Variants in UBE4B observed in about 807,000 individuals in gnomAD.
UBE4B encodes the protein ubiquitin conjugation factor E4 B.
A neutral mutation model predicts 148.1 loss-of-function variants in UBE4B; 27 were observed. That is an observed-to-expected ratio of 0.18 (90% confidence interval 0.13 to 0.25). UBE4B has a LOEUF of 0.25. UBE4B is among the 10% of genes least tolerant of loss of function. The pLI, the probability that UBE4B is intolerant of heterozygous loss-of-function variation, is 1.00. For missense variants in UBE4B, 1,170 were observed against 1,662.4 expected, an observed-to-expected ratio of 0.70 and a Z score of 5.15; for synonymous variants, 596 against 619.3, an observed-to-expected ratio of 0.96 and a Z score of 0.56.
chr1:10,147,100 C>T lies in UBE4B; in HGVS notation c.2591+10C>T, dbSNP rs759992432. 42 of 1,614,008 alleles carry T rather than the reference C, an allele frequency of 2.6e-5. No individual in the cohort carries two copies. Among genetic ancestry groups the T allele is most frequent in the Non-Finnish European group, 3.5e-5 (41 of 1,179,984 alleles). ...ACCCCGCATATCCCGAGTGAGTGTGCTTCTTCCTGTTTCCCTTGTCCCTCC... is the reference window on the plus strand; with the variant it reads ...ACCCCGCATATCCCGAGTGAGTGTGTTTCTTCCTGTTTCCCTTGTCCCTCC... On this transcript the variant is annotated intron_variant, in intron 19 of 27. Transcript: ENST00000343090.
At chr1:10,158,111 G>C (rs924205148) in intron 21 of UBE4B, among the ~76,000 whole-genome samples, 1 of 152,160 alleles carries the variant, frequency 6.6e-6, no homozygotes, top group Non-Finnish European at 1.5e-5. Context: ...TTGTCCTAAT[G>C]ATGGGAGTTT....
intron 1 of UBE4B, among the ~76,000 whole-genome samples, chr1:10,069,901 G>C (rs1160780320): frequency 2.0e-5 from 3 of 152,132 alleles, no homozygotes; most frequent in African/African-American, 7.2e-5. Flanking sequence ...ATAGGCTCCA[G>C]ATAAGTAAAG....
chr1:10,146,261 G>A (rs959051360), intron 18 of UBE4B, among the ~76,000 whole-genome samples: 2 of 152,140 alleles, frequency 1.3e-5, no homozygotes, highest in Non-Finnish European at 2.9e-5. Flanking sequence ...AGACCAGCCT[G>A]GCCAACATGG....
At chr1:10,178,492 G>A (rs1047861839) in intron 25 of UBE4B, 152 bp from the exon 26 acceptor site, 48 of 649,606 alleles carry the variant, frequency 7.4e-5, no homozygotes, top group Admixed American at 4.3e-4. Context: ...GCATAAAGAC[G>A]GATATATAAA....
rs1043433583 is a variant in UBE4B, at chr1:10,161,347, A to G, written c.3198+61A>G. 229 of 1,578,944 alleles carry G rather than the reference A, an allele frequency of 1.5e-4. No individual in the cohort carries two copies. Among genetic ancestry groups the G allele is most frequent in the Non-Finnish European group, 1.7e-4 (199 of 1,159,576 alleles). On this transcript the variant is annotated intron_variant, in intron 23 of 27. Coordinates refer to ENST00000343090, the MANE Select transcript of UBE4B (RefSeq NM_001105562.3). The surrounding 1 kb of genome is among the most constrained non-coding windows in gnomAD (Gnocchi z 4.1). The stretch of plus-strand genomic sequence containing the variant: ...AGGCCATCTGCCTCCACACACGGGC[A>G]GAGCTGCTTTGGGGCTGCATTTGTG...
rs1644933205 is a variant in UBE4B at position 10,096,679 on chromosome 1, G to A, written c.347+1083G>A. On this transcript the variant is annotated intron_variant, in intron 3 of 27. Coordinates refer to ENST00000343090, the MANE Select transcript of UBE4B (RefSeq NM_001105562.3). ...GGAGGTTGCAGTGAACCAAGATTGT[G>A]CCACTGCACTCCAGCCTGGCCGATA... Among the ~76,000 whole-genome samples the A allele has an allele frequency of 2.0e-5, 3 of 151,412 alleles. No homozygotes were observed. In the South Asian group the frequency reaches 6.3e-4, roughly 32 times the overall value.
chr1:10,049,290 C>A (rs1353853332), intron 1 of UBE4B, among the ~76,000 whole-genome samples: 1 of 152,130 alleles, frequency 6.6e-6, no homozygotes, highest in Admixed American at 6.5e-5. Flanking sequence ...CCTCAGGCTG[C>A]AGCTGGGGAC....
Position 10,036,351 on chromosome 1 carries a change from A to T in UBE4B, c.24+2657A>T, listed in dbSNP as rs1643531417. Among the ~76,000 whole-genome samples the T allele has an allele frequency of 2.6e-5, 4 of 152,158 alleles. No individual in the cohort carries two copies. The South Asian group carries it at 6.2e-4, about 24-fold the overall frequency. ...GTCAACAGAATATTAAAATAAATGA[A>T]AAAAATTAAATTCACTAATACAGGA... On this transcript the variant is annotated intron_variant, in intron 1 of 27. Coordinates refer to ENST00000343090, the MANE Select transcript of UBE4B (RefSeq NM_001105562.3).
chr1:10,108,021 A>C (rs114515417), intron 7 of UBE4B, among the ~76,000 whole-genome samples: 1 of 152,194 alleles, frequency 6.6e-6, no homozygotes, highest in Non-Finnish European at 1.5e-5. Context: ...TCATTTATCT[A>C]TTGCGAGAAT....
chr1:10,042,574 G>T (rs1321393608), intron 1 of UBE4B, among the ~76,000 whole-genome samples: 1 of 152,204 alleles, frequency 6.6e-6, no homozygotes, highest in Non-Finnish European at 1.5e-5. Flanking sequence ...TTGAACCCGG[G>T]AGGCAGGGGT....
At position 10,072,353 on chromosome 1, in the gene UBE4B, T is replaced by C; in HGVS notation, c.211+139T>C. On this transcript the variant is annotated intron_variant, in intron 2 of 27. Coordinates refer to ENST00000343090, the MANE Select transcript of UBE4B (RefSeq NM_001105562.3). ...AAAATCCTCCAAGCAGTAGTTTAAA[T>C]ATCATTGCAATGTGTTGTGTTATCG... is the stretch of plus-strand genomic sequence containing the variant. 2.9e-6 allele frequency: 3 copies of C among 1,023,280 alleles called. No homozygotes were observed. In the Admixed American group the frequency reaches 8.9e-5, roughly 30 times the overall value. 63.4% of individuals were successfully genotyped at this position (1,023,280 alleles called of 1,614,324 possible).
At chr1:10,147,183 C>A in intron 19 of UBE4B, 93 bp downstream of exon 19, 1 of 1,566,086 alleles carries the variant, frequency 6.4e-7, no homozygotes, top group South Asian at 1.1e-5. Context: ...AACCAAAACC[C>A]TTTCTTTATC....
rs773053143 is a variant in UBE4B at position 10,052,263 on chromosome 1, G to A, written c.24+18569G>A. On this transcript the variant is annotated intron_variant, in intron 1 of 27. Coordinates refer to ENST00000343090, the MANE Select transcript of UBE4B (RefSeq NM_001105562.3). ...TTAATTTTTTTTTTTGTAGAGACAG[G>A]GTCTCACTATGTTGCCCAGGCTGGT... is the stretch of plus-strand genomic sequence containing the variant. Among the ~76,000 whole-genome samples, 28 of 151,788 alleles carry A rather than the reference G, an allele frequency of 1.8e-4. No homozygotes were observed. The Middle Eastern group carries it at 0.01, about 55-fold the overall frequency.
At chr1:10,126,049 C>T (rs1199468582) in intron 10 of UBE4B, among the ~76,000 whole-genome samples, 1 of 152,130 alleles carries the variant, frequency 6.6e-6, no homozygotes, top group African/African-American at 2.4e-5. Context: ...GCCTGTGATC[C>T]CAGCACTTTG....
chr1:10,172,906 T>A (rs577627798), intron 25 of UBE4B, among the ~76,000 whole-genome samples: 1 of 152,326 alleles, frequency 6.6e-6, no homozygotes, highest in South Asian at 2.1e-4. Context: ...TTTAGAATAC[T>A]CACCATTGTG....
At position 10,105,709 on chromosome 1, in the gene UBE4B, C is replaced by T. The variant is rs765917963; in HGVS notation, c.774C>T (p.Cys258=). Reference sequence around the variant, plus strand: ...ATCCAGGAACAAGCCCCATGTTCTGCAGCGTGGCTTCCTTTGGTGCCAGCT... The same window carrying T: ...ATCCAGGAACAAGCCCCATGTTCTGTAGCGTGGCTTCCTTTGGTGCCAGCT... ...GSNPGTSPMF[C]SVASFGASSL... The change falls in exon 6 of 28, where the codon TGC becomes TGT. Residue 258 remains cysteine, a synonymous_variant. Coordinates refer to ENST00000343090, the MANE Select transcript of UBE4B (RefSeq NM_001105562.3). 1.7e-5 allele frequency: 27 copies of T among 1,614,024 alleles called. No individual in the cohort carries two copies. Among genetic ancestry groups the T allele is most frequent in the Non-Finnish European group, 2.0e-5 (24 of 1,180,050 alleles).
At chr1:10,150,427 A>G (rs909879186) in intron 20 of UBE4B, among the ~76,000 whole-genome samples, 2 of 152,226 alleles carry the variant, frequency 1.3e-5, no homozygotes, top group South Asian at 4.1e-4. Flanking sequence ...TTAAAAAAAA[A>G]CTATCAAAAT....
In UBE4B at chr1:10,106,716, C is replaced by A. The variant is rs950360243; in HGVS notation, c.1196+133C>A. 1.6e-6 allele frequency: 2 copies of A among 1,245,586 alleles called. No individual in the cohort carries two copies. Among genetic ancestry groups the A allele is most frequent in the Non-Finnish European group, 2.1e-6 (2 of 941,906 alleles). 77.2% of individuals were successfully genotyped at this position (1,245,586 alleles called of 1,614,324 possible). On this transcript the variant is annotated intron_variant, in intron 7 of 27. Coordinates refer to ENST00000343090, the MANE Select transcript of UBE4B (RefSeq NM_001105562.3). The surrounding 1 kb of genome is among the most constrained non-coding windows in gnomAD (Gnocchi z 4.2). ...TTGGGTTATTAACCTGTGTGGCTAA[C>A]TAGTTTGGTAGGCACGTACTCTGAG...
At chr1:10,139,343 A>G (rs1001844857) in intron 17 of UBE4B, among the ~76,000 whole-genome samples, 1 of 152,048 alleles carries the variant, frequency 6.6e-6, no homozygotes, top group East Asian at 1.9e-4. Flanking sequence ...GTGAGCCAAG[A>G]CCGAGCCACT....
Sources: gnomAD v4.1 joint callset for allele counts (sites outside exome capture counted in the v4.1 genomes callset) on GRCh38, gnomAD v4.1.1 for gene constraint, Gnocchi (gnomAD v3.1) non-coding constraint, MANE v1.5 for transcripts, NCBI Gene and HGNC (gene_info 2026-07-23, HGNC 2026-07-21) for gene names.